The following OLFML2A variants were observed in gnomAD, a reference collection of about 807,000 sequenced individuals.
The protein encoded by OLFML2A is olfactomedin like 2A.
A neutral mutation model predicts 60.9 loss-of-function variants in OLFML2A; 47 were observed. The observed-to-expected ratio is 0.77, with a 90% confidence interval of 0.61 to 0.98. OLFML2A has a LOEUF of 0.98. Among genes scored for constraint, OLFML2A ranks in the 50% least tolerant of loss-of-function variants. The pLI, the probability that OLFML2A is intolerant of heterozygous loss-of-function variation, is 0.00. For missense variants in OLFML2A, 922 were observed against 879.8 expected, an observed-to-expected ratio of 1.05 and a Z score of -0.61; for synonymous variants, 372 against 375.0, an observed-to-expected ratio of 0.99 and a Z score of 0.09.
chr9:124,804,097 A>G lies in OLFML2A; in HGVS notation c.923A>G (p.Asn308Ser), dbSNP rs1841838804. 1.2e-6 allele frequency: 2 copies of G among 1,613,984 alleles called. No homozygotes were observed. The highest frequency in any genetic ancestry group is 1.1e-5 in the South Asian group (1 of 91,062). Residue 308 changes from asparagine to serine, a missense_variant, in exon 6 of 8, where the codon AAC (asparagine) becomes AGC (serine). Physicochemically the swap from Asn to Ser is conservative, Grantham distance 46. Coordinates refer to ENST00000373580, the MANE Select transcript of OLFML2A (RefSeq NM_182487.4). ...KQEVTEAVAD[N>S]TLQGTSWLEQ... ...CACAGGGGTCTTCTCTCTGCAGACA[A>G]CACCCTCCAGGGCACTTCCTGGCTG...
intron 2 of OLFML2A, among the ~76,000 whole-genome samples, chr9:124,787,522 T>TTTTTTTTTTATTTTATTTTATTTTA (rs1554755900): frequency 7.3e-6 from 1 of 137,756 alleles, no homozygotes; most frequent in African/African-American, 2.7e-5. Context: ...CAGTGGGTTG[T>TTTTTTTTTTATTTTATTTTATTTTA]TTTTATTTTA....
At chr9:124,796,085 A>G (rs1465635396) in intron 3 of OLFML2A, among the ~76,000 whole-genome samples, 3 of 152,334 alleles carry the variant, frequency 2.0e-5, no homozygotes, top group African/African-American at 7.2e-5. Flanking sequence ...TACAGCTGCC[A>G]GGAGCGGGCG....
At chr9:124,801,276 G>C in intron 4 of OLFML2A, 138 bp from the exon 5 acceptor site, 1 of 987,526 alleles carries the variant, frequency 1.0e-6, no homozygotes, top group East Asian at 2.5e-5. Flanking sequence ...GTAAAGGAAA[G>C]CTGTGACTTT....
chr9:124,813,280 C>G lies in OLFML2A; in HGVS notation c.*2868C>G, dbSNP rs190035668. The G allele has an allele frequency of 2.6e-5, 4 of 152,166 alleles. No individual in the cohort carries two copies. The highest frequency in any genetic ancestry group is 5.9e-5 in the Non-Finnish European group (4 of 68,028). The allele number at this position is 152,166 out of a possible 1,614,324, so 9.4% of individuals were successfully genotyped here. On this transcript the variant is annotated 3_prime_UTR_variant, in exon 8 of 8. Transcript: ENST00000373580. ...TTCATTTTACATATGGTCACATTGG[C>G]GCCTAGAACAGTTAGGTCGCTCGTC...
chr9:124,801,179 A>G, intron 4 of OLFML2A: 1 of 1,047,638 alleles, frequency 9.5e-7, no homozygotes, highest in Non-Finnish European at 1.4e-6. Flanking sequence ...CTAACCTATC[A>G]GGTTGGACTT....
At chr9:124,800,145 A>G (rs1176543830) in intron 4 of OLFML2A, among the ~76,000 whole-genome samples, 7 of 152,246 alleles carry the variant, frequency 4.6e-5, no homozygotes, top group Admixed American at 3.9e-4. Context: ...CAGATCAATT[A>G]GAAGGAACAA....
intron 5 of OLFML2A, 73 bp from the exon 6 acceptor site, chr9:124,804,021 C>T: frequency 6.5e-7 from 1 of 1,539,818 alleles, no homozygotes; most frequent in Non-Finnish European, 8.8e-7. Flanking sequence ...GATGGGGGCC[C>T]AGTGGACCTT....
chr9:124,806,898 G>A (rs893528440), intron 6 of OLFML2A, among the ~76,000 whole-genome samples: 10 of 151,790 alleles, frequency 6.6e-5, no homozygotes, highest in East Asian at 1.9e-4. Context: ...ATGAGCCACC[G>A]CGCCCAGCCA....
chr9:124,791,334 A>G (rs1257183743), intron 2 of OLFML2A, among the ~76,000 whole-genome samples: 7 of 152,214 alleles, frequency 4.6e-5, no homozygotes, highest in Non-Finnish European at 1.5e-5. Context: ...TTCCTCTAGC[A>G]CAGCGCTTCT....
In OLFML2A at chr9:124,801,603, G is replaced by C; in HGVS notation, c.859G>C (p.Val287Leu). ...CCGCGCCCTGGCCCAGCAGCAGGCT[G>C]TGATCCGGGGCTTCACCTACTACAA... ...KPRALAQQQAVIRGFTYYKAG... is the reference protein window; with the variant it reads ...KPRALAQQQALIRGFTYYKAG... Residue 287 changes from valine (V) to leucine (L), a missense_variant, in exon 5 of 8, where the codon GTG becomes CTG. Val to Leu is a conservative substitution (Grantham distance 32). Transcript: ENST00000373580. The C allele has an allele frequency of 6.2e-7, 1 of 1,613,948 alleles. No homozygotes were observed. The highest frequency in any genetic ancestry group is 8.5e-7 in the Non-Finnish European group (1 of 1,180,034).
intron 6 of OLFML2A, among the ~76,000 whole-genome samples, chr9:124,807,189 G>T (rs1451318728): frequency 6.6e-6 from 1 of 151,482 alleles, no homozygotes; most frequent in African/African-American, 2.4e-5. Flanking sequence ...CTCCCAAATT[G>T]CTGGGATTAC....
At chr9:124,796,661 G>A (rs1280836132) in intron 3 of OLFML2A, among the ~76,000 whole-genome samples, 1 of 152,220 alleles carries the variant, frequency 6.6e-6, no homozygotes, top group Non-Finnish European at 1.5e-5. Context: ...GGCTCCCTCT[G>A]CCAAAGGGAA....
Position 124,778,940 on chromosome 9 carries a change from G to A in OLFML2A, c.90+1580G>A. 6.1e-6 allele frequency: 6 copies of A among 985,142 alleles called. No homozygotes were observed. The South Asian group carries it at 2.3e-4, about 39-fold the overall frequency. 61.0% of individuals were successfully genotyped at this position (985,142 alleles called of 1,614,324 possible). ...GCCTCTTTCCTGGTAGAATGTGAGT[G>A]TCCTGCCTGCCCACGGACAGATAAA... On this transcript the variant is annotated intron_variant, in intron 1 of 7. Coordinates refer to ENST00000373580, the MANE Select transcript of OLFML2A (RefSeq NM_182487.4).
In OLFML2A at chr9:124,799,162, G is replaced by A. The variant is rs940170641; in HGVS notation, c.463-123G>A. 25 of 659,378 alleles carry A rather than the reference G, an allele frequency of 3.8e-5. 1 individual carries two copies. Among genetic ancestry groups the A allele is most frequent in the South Asian group, 1.2e-4 (6 of 49,506 alleles). The allele number at this position is 659,378 out of a possible 1,614,324, so 40.8% of individuals were successfully genotyped here. A position where few individuals can be genotyped will look rare whatever the true frequency, so the allele number is the denominator to read the frequency against. On this transcript the variant is annotated intron_variant, in intron 3 of 7. Coordinates refer to ENST00000373580, the MANE Select transcript of OLFML2A (RefSeq NM_182487.4). ...TTTCCTGCTCATGCTCACTGCGGCC[G>A]CCCCTAGCCCGTTCGGGGGACTGGG...
chr9:124,805,203 G>T (rs1841866723), intron 6 of OLFML2A, among the ~76,000 whole-genome samples: 1 of 152,026 alleles, frequency 6.6e-6, no homozygotes, highest in South Asian at 2.1e-4. Flanking sequence ...AGGGATCTTG[G>T]CTCTCTGTGG....
chr9:124,794,180 T>G (rs1841620817), intron 2 of OLFML2A, among the ~76,000 whole-genome samples: 1 of 152,022 alleles, frequency 6.6e-6, no homozygotes, highest in Non-Finnish European at 1.5e-5. Context: ...ATCTCTGGAG[T>G]GGGGACAACA....
chr9:124,801,694 A>C (rs765798569), intron 5 of OLFML2A, 31 bp downstream of exon 5: 9 of 1,603,700 alleles, frequency 5.6e-6, no homozygotes, highest in Non-Finnish European at 7.7e-6. Context: ...GACCCTGGGG[A>C]GTCAGGGATG....
intron 5 of OLFML2A, 149 bp from the exon 6 acceptor site, chr9:124,803,945 T>C: frequency 1.2e-6 from 1 of 830,834 alleles, no homozygotes; most frequent in Admixed American, 2.9e-5. Flanking sequence ...TGGAGACCTT[T>C]CACCCCCCTC....
rs1842040077 is a variant in OLFML2A, at chr9:124,812,496, G to A, written c.*2084G>A. 6.6e-6 allele frequency: 1 copy of A among 152,144 alleles called. No individual in the cohort carries two copies. Among genetic ancestry groups the A allele is most frequent in the East Asian group, 1.9e-4 (1 of 5,176 alleles). The allele number at this position is 152,144 out of a possible 1,614,324, so 9.4% of individuals were successfully genotyped here. On this transcript the variant is annotated 3_prime_UTR_variant, in exon 8 of 8. Coordinates refer to ENST00000373580, the MANE Select transcript of OLFML2A (RefSeq NM_182487.4). ...TTTTGTGCAGAATACACTTCTTTCA[G>A]GCATTGTCAGGTGCTGTTTTGTTTA...
Sources: allele counts gnomAD v4.1 joint callset (sites outside exome capture counted in the v4.1 genomes callset), GRCh38; gene constraint gnomAD v4.1.1; transcripts MANE v1.5; gene names NCBI Gene and HGNC (gene_info 2026-07-23, HGNC 2026-07-21).